Variants in NCKAP1L observed in about 807,000 individuals in gnomAD.
NCKAP1L encodes the protein NCK associated protein 1 like.
Under a neutral mutation model 139.2 loss-of-function variants are expected in NCKAP1L, and 53 were observed. The observed-to-expected ratio is 0.38, with a 90% CI of 0.31 to 0.48. NCKAP1L has a LOEUF of 0.48. NCKAP1L is among the 20% of genes least tolerant of loss of function. The pLI, the probability that NCKAP1L is intolerant of heterozygous loss-of-function variation, is 0.98. For synonymous variants in NCKAP1L, 468 were observed against 499.7 expected, an observed-to-expected ratio of 0.94 and a Z score of 0.85; for missense variants, 1,151 against 1,381.9, an observed-to-expected ratio of 0.83 and a Z score of 2.65.
chr12:54,535,051 C>G, intron 26 of NCKAP1L, 53 bp from the exon 27 acceptor site: 2 of 1,454,322 alleles, frequency 1.4e-6, no homozygotes, highest in Non-Finnish European at 1.9e-6. Flanking sequence ...TTCCTTCTGT[C>G]AAGCCATTGT....
At chr12:54,526,504 A>AT (rs368111457) in intron 20 of NCKAP1L, 24 bp from the exon 21 acceptor site, 25,050 of 1,105,050 alleles carry the variant, frequency 0.023, 26 homozygotes, top group African/African-American at 0.043. Context: ...TGTAATTCTA[A>AT]TTTTTTTTTT....
At chr12:54,513,432 G>A (rs1369270104) in intron 9 of NCKAP1L, among the ~76,000 whole-genome samples, 2 of 152,176 alleles carry the variant, frequency 1.3e-5, no homozygotes, top group African/African-American at 4.8e-5. Flanking sequence ...GGTAGTTAAA[G>A]CCAGAAGAGT....
At chr12:54,521,312 TC>T in intron 18 of NCKAP1L, 74 bp downstream of exon 18, 2 of 1,579,972 alleles carry the variant, frequency 1.3e-6, no homozygotes, top group Non-Finnish European at 1.7e-6. Context: ...TAACTTTGTT[TC>T]CCTCTCAGAT....
chr12:54,535,128 G>A lies in NCKAP1L; in HGVS notation c.2887G>A (p.Ala963Thr). 6.2e-7 allele frequency: 1 copy of A among 1,613,102 alleles called. No homozygotes were observed. The highest frequency in any genetic ancestry group is 8.5e-7 in the Non-Finnish European group (1 of 1,179,466). ...GGTGACCTTGAGTATCTTTGAGCTG[G>A]CATCTGCTGCAGGTGTGGGCTGTGA... is the stretch of plus-strand genomic sequence containing the variant. Reference protein sequence around the residue: ...IKVTLSIFELASAAGVGCDID... With the variant: ...IKVTLSIFELTSAAGVGCDID... Residue 963 changes from alanine to threonine, a missense_variant, in exon 27 of 31, where the codon GCA becomes ACA. Ala to Thr is a moderately conservative substitution (Grantham distance 58). Coordinates refer to ENST00000293373, the MANE Select transcript of NCKAP1L (RefSeq NM_005337.5).
Position 54,519,282 on chromosome 12 carries a change from G to A in NCKAP1L, c.1575G>A (p.Leu525=). The A allele has an allele frequency of 1.3e-6, 2 of 1,588,394 alleles. No individual in the cohort carries two copies. Among genetic ancestry groups the A allele is most frequent in the Non-Finnish European group, 1.7e-6 (2 of 1,173,348 alleles). ...TCATTGTCTTCCACTCCCGAATGCT[G>A]GACTCCGTAGAAAAATTGCTGGTGG... ...MNLIVFHSRM[L]DSVEKLLVET... is the part of the protein sequence containing the mutation. Residue 525 remains leucine, a synonymous_variant, in exon 16 of 31, where the codon CTG becomes CTA. Coordinates refer to ENST00000293373, the MANE Select transcript of NCKAP1L (RefSeq NM_005337.5).
intron 22 of NCKAP1L, among the ~76,000 whole-genome samples, chr12:54,528,609 G>A (rs1033192312): frequency 2.0e-5 from 3 of 151,550 alleles, no homozygotes; most frequent in African/African-American, 7.3e-5. Context: ...TGCTGTCATG[G>A]CATCTTCTTC....
Position 54,521,165 on chromosome 12 carries a change from T to C in NCKAP1L, c.1805T>C (p.Leu602Pro), listed in dbSNP as rs1352612803. ...NHGLHHCNSF[L>P]EELAKQTSNC... ...GGTCTTCACCACTGCAACTCCTTCC[T>C]GGAAGAGTTGGCCAAGCAGACCAGC... The change falls in exon 18 of 31, where the codon CTG becomes CCG. Residue 602 changes from leucine (L) to proline (P), a missense_variant. By Grantham distance (98) the Leu-to-Pro change is moderately conservative. Coordinates refer to ENST00000293373, the MANE Select transcript of NCKAP1L (RefSeq NM_005337.5). The C allele has an allele frequency of 6.2e-7, 1 of 1,614,084 alleles. No homozygotes were observed. Among genetic ancestry groups the C allele is most frequent in the South Asian group, 1.1e-5 (1 of 91,086 alleles).
chr12:54,508,135 T>C (rs918400415), intron 4 of NCKAP1L, among the ~76,000 whole-genome samples: 31 of 152,218 alleles, frequency 2.0e-4, no homozygotes, highest in African/African-American at 7.5e-4. Context: ...ATTAAAAAAT[T>C]ACATAAAAAT....
intron 28 of NCKAP1L, 33 bp from the exon 29 acceptor site, chr12:54,536,911 T>C (rs1231015123): frequency 2.7e-6 from 4 of 1,494,670 alleles, no homozygotes; most frequent in Non-Finnish European, 3.7e-6. Context: ...CATTTCCTCT[T>C]TTTTCTCTCC....
At chr12:54,517,304 T>G (rs1011209694) in intron 11 of NCKAP1L, among the ~76,000 whole-genome samples, 1 of 152,210 alleles carries the variant, frequency 6.6e-6, no homozygotes, top group Admixed American at 6.5e-5. Context: ...TTTCTAAAAC[T>G]TTATTTGATA....
At chr12:54,514,856 A>T (rs917903382) in intron 9 of NCKAP1L, among the ~76,000 whole-genome samples, 1 of 152,188 alleles carries the variant, frequency 6.6e-6, no homozygotes. Context: ...AAGTTACAGG[A>T]GGTGGATTTG....
chr12:54,506,796 A>AAATATATATATATATATATATATAT, intron 3 of NCKAP1L, among the ~76,000 whole-genome samples: 2 of 50,604 alleles, frequency 4.0e-5, no homozygotes, highest in Non-Finnish European at 6.1e-5. Flanking sequence ...AAAAAAAAAA[A>AAATATATATATATATATATATATAT]ATATATATAT....
intron 30 of NCKAP1L, among the ~76,000 whole-genome samples, chr12:54,541,418 A>T (rs1957157204): frequency 6.6e-6 from 1 of 152,170 alleles, no homozygotes; most frequent in Admixed American, 6.5e-5. Context: ...GCTTGAAGTC[A>T]TTATTCATTT....
At chr12:54,536,760 C>T (rs940830389) in intron 28 of NCKAP1L, among the ~76,000 whole-genome samples, 184 bp from the exon 29 acceptor site, 3 of 151,158 alleles carry the variant, frequency 2.0e-5, no homozygotes, top group Non-Finnish European at 2.9e-5. Context: ...ATGCATAATT[C>T]GATTTCAATA....
rs751763561 is a variant in NCKAP1L at position 54,535,238 on chromosome 12, C to T, written c.2956+41C>T. The T allele has an allele frequency of 4.7e-6, 7 of 1,480,766 alleles. No homozygotes were observed. The African/African-American group carries it at 9.8e-5, about 21-fold the overall frequency. 91.7% of individuals were successfully genotyped at this position (1,480,766 alleles called of 1,614,324 possible). ...GGGGGCGAGATTTGGGAAAGGAGGG[C>T]TTGGGCCTTATTTTGGGTGAAAAAA... On this transcript the variant is annotated intron_variant, in intron 27 of 30. Transcript: ENST00000293373.
intron 30 of NCKAP1L, among the ~76,000 whole-genome samples, chr12:54,540,100 T>A (rs558824433): frequency 9.3e-4 from 141 of 152,320 alleles, no homozygotes; most frequent in Non-Finnish European, 1.7e-3. Context: ...TGGGCTTCCA[T>A]AAGACTACAA....
chr12:54,516,496 G>C (rs1177535435), intron 10 of NCKAP1L, among the ~76,000 whole-genome samples: 2 of 151,112 alleles, frequency 1.3e-5, no homozygotes, highest in Non-Finnish European at 2.9e-5. Flanking sequence ...GCCCACGCTG[G>C]GTGCAATGGC....
chr12:54,518,761 A>G (rs772318860), intron 14 of NCKAP1L, 29 bp downstream of exon 14: 2 of 1,579,436 alleles, frequency 1.3e-6, no homozygotes, highest in East Asian at 4.5e-5. Flanking sequence ...GGGAGGCAGG[A>G]CATATGTGAG....
At chr12:54,537,170 CAT>C in intron 29 of NCKAP1L, 117 bp downstream of exon 29, 1 of 637,328 alleles carries the variant, frequency 1.6e-6, no homozygotes, top group Non-Finnish European at 2.7e-6. Context: ...CCACCTAATT[CAT>C]TCAGTAAAGA....
Sources: allele counts gnomAD v4.1 joint callset (sites outside exome capture counted in the v4.1 genomes callset), GRCh38; gene constraint gnomAD v4.1.1; transcripts MANE v1.5; gene names NCBI Gene and HGNC (gene_info 2026-07-23, HGNC 2026-07-21).